Variants in MYO5B observed in about 807,000 individuals in gnomAD.
MYO5B encodes myosin VB, also known as unconventional myosin-Vb.
Under a neutral mutation model 229.3 loss-of-function variants are expected in MYO5B, and 143 were observed. The observed-to-expected ratio is 0.62, with a 90% CI of 0.54 to 0.72. The LOEUF (loss-of-function observed/expected upper bound fraction) is 0.72, where lower values mean the gene tolerates loss of function less well. Among genes scored for constraint, MYO5B ranks in the 30% least tolerant of loss-of-function variants. The probability of loss-of-function intolerance (pLI) is 0.00; values close to 1 mark genes in which losing one functional copy is unlikely to be tolerated. For synonymous variants in MYO5B, 918 were observed against 885.2 expected, an observed-to-expected ratio of 1.04 and a Z score of -0.66; for missense variants, 2,321 against 2,331.0, an observed-to-expected ratio of 1.00 and a Z score of 0.09.
At chr18:49,894,355 A>G (rs1048616175) in intron 22 of MYO5B, among the ~76,000 whole-genome samples, 3 of 152,120 alleles carry the variant, frequency 2.0e-5, no homozygotes, top group African/African-American at 7.2e-5. Context: ...GGCCCTTGGG[A>G]CTTCCCTGGC....
At chr18:50,108,481 G>C (rs1205796432) in intron 1 of MYO5B, among the ~76,000 whole-genome samples, 2 of 152,190 alleles carry the variant, frequency 1.3e-5, no homozygotes, top group Non-Finnish European at 2.9e-5. Flanking sequence ...TTTCTCCTAT[G>C]TTTTTAACAT....
chr18:50,051,590 C>G (rs1056256112), intron 2 of MYO5B, among the ~76,000 whole-genome samples: 1 of 152,134 alleles, frequency 6.6e-6, no homozygotes, highest in Non-Finnish European at 1.5e-5. Context: ...AGTTTTGCAT[C>G]CCCTGAAAGC....
chr18:49,904,546 C>A, intron 20 of MYO5B, 126 bp downstream of exon 20: 2 of 1,150,598 alleles, frequency 1.7e-6, no homozygotes, highest in Non-Finnish European at 2.6e-6. Context: ...TTGGTGAGAG[C>A]AGAGATGTGA....
intron 31 of MYO5B, among the ~76,000 whole-genome samples, chr18:49,852,597 C>T (rs753250118): frequency 2.6e-5 from 4 of 152,120 alleles, no homozygotes; most frequent in Non-Finnish European, 2.9e-5. Context: ...GGATGCACTA[C>T]GGGCACATGA....
At chr18:49,940,170 T>G (rs2025298418) in intron 14 of MYO5B, among the ~76,000 whole-genome samples, 1 of 152,252 alleles carries the variant, frequency 6.6e-6, no homozygotes, top group South Asian at 2.1e-4. Flanking sequence ...AATAATTCAC[T>G]ATTCTAGGTG....
At chr18:50,122,241 G>A (rs2032069916) in intron 1 of MYO5B, among the ~76,000 whole-genome samples, 1 of 151,998 alleles carries the variant, frequency 6.6e-6, no homozygotes, top group African/African-American at 2.4e-5. Context: ...CATTTTAAAA[G>A]CCACTAAGTG....
intron 1 of MYO5B, among the ~76,000 whole-genome samples, chr18:50,090,338 C>CAAAAAAA (rs11393869): frequency 7.3e-6 from 1 of 136,382 alleles, no homozygotes; most frequent in Non-Finnish European, 1.5e-5. Context: ...GCAAGACCCT[C>CAAAAAAA]AAAAAAAAAA....
intron 17 of MYO5B, among the ~76,000 whole-genome samples, chr18:49,928,455 C>T (rs2025154027): frequency 6.6e-6 from 1 of 152,182 alleles, no homozygotes; most frequent in Non-Finnish European, 1.5e-5. Context: ...GCTAGCCTGG[C>T]TAGCATGGTA....
At chr18:49,993,969 C>G (rs1191914895) in intron 5 of MYO5B, among the ~76,000 whole-genome samples, 2 of 152,162 alleles carry the variant, frequency 1.3e-5, no homozygotes, top group African/African-American at 4.8e-5. Flanking sequence ...CGGCTTCTAA[C>G]AATCCTAACT....
chr18:49,995,452 G>A (rs752491151), intron 5 of MYO5B, among the ~76,000 whole-genome samples: 2 of 151,390 alleles, frequency 1.3e-5, no homozygotes, highest in Non-Finnish European at 2.9e-5. Context: ...GTAGAGACAG[G>A]GTTTCACCGT....
chr18:50,139,286 T>TC (rs1423102250), intron 1 of MYO5B, among the ~76,000 whole-genome samples: 16 of 152,292 alleles, frequency 1.1e-4, no homozygotes, highest in African/African-American at 3.9e-4. Context: ...GGTGACTCAG[T>TC]CATGCTACAA....
rs779285739 is a variant in MYO5B, at chr18:49,877,901, G to A, written c.3277-19C>T. ...GAGTTTGCTGTTCAACAAGAAAAAC[G>A]TGATAGCTCATTAGGAACTAATGTT... On this transcript the variant is annotated intron_variant, in intron 24 of 39. Coordinates refer to ENST00000285039, the MANE Select transcript of MYO5B (RefSeq NM_001080467.3). The A allele has an allele frequency of 3.7e-6, 6 of 1,613,884 alleles. No individual in the cohort carries two copies. The highest frequency in any genetic ancestry group is 2.2e-5 in the East Asian group (1 of 44,892).
At chr18:50,181,155 TG>T (rs2033068336) in intron 1 of MYO5B, among the ~76,000 whole-genome samples, 1 of 152,246 alleles carries the variant, frequency 6.6e-6, no homozygotes, top group Non-Finnish European at 1.5e-5. Flanking sequence ...CTATTATACT[TG>T]TCATAAAATT....
intron 1 of MYO5B, chr18:50,126,625 T>C (rs895976669): frequency 1.3e-5 from 2 of 154,910 alleles, no homozygotes; most frequent in Admixed American, 6.5e-5. Flanking sequence ...TCTCAATTCA[T>C]ACGTGGTCCA....
chr18:49,952,302 T>C (rs1787584), intron 14 of MYO5B, among the ~76,000 whole-genome samples: 1 of 152,208 alleles, frequency 6.6e-6, no homozygotes, highest in Non-Finnish European at 1.5e-5. Context: ...TTCAGTATCA[T>C]GTGGTCTGGG....
rs2025206075 is a variant in MYO5B, at chr18:49,932,651, A to C, written c.2004-3053T>G. 2.0e-5 allele frequency among the ~76,000 whole-genome samples: 3 copies of C among 152,150 alleles called. 1 individual carries two copies. In the South Asian group the frequency reaches 6.2e-4, roughly 32 times the overall value. Reference sequence around the variant, plus strand: ...CCAACTATAAAGCAGTGGTGGCTGTAATGACTATGTTACAAAAACAAACAA... The same window carrying C: ...CCAACTATAAAGCAGTGGTGGCTGTCATGACTATGTTACAAAAACAAACAA... On this transcript the variant is annotated intron_variant, in intron 16 of 39. Coordinates refer to ENST00000285039, the MANE Select transcript of MYO5B (RefSeq NM_001080467.3).
intron 1 of MYO5B, among the ~76,000 whole-genome samples, chr18:50,123,802 C>T (rs1456105332): frequency 3.3e-5 from 5 of 152,200 alleles, no homozygotes; most frequent in African/African-American, 1.2e-4. Flanking sequence ...TCCTCAAATA[C>T]CTACTGGAAG....
At chr18:50,075,618 T>C (rs2031060837) in intron 1 of MYO5B, among the ~76,000 whole-genome samples, 1 of 152,174 alleles carries the variant, frequency 6.6e-6, no homozygotes, top group African/African-American at 2.4e-5. Flanking sequence ...TCCTACACTT[T>C]CCACCAGTGC....
intron 18 of MYO5B, among the ~76,000 whole-genome samples, chr18:49,908,652 C>T (rs1020896723): frequency 5.9e-5 from 9 of 152,170 alleles, no homozygotes; most frequent in Non-Finnish European, 1.0e-4. Context: ...TACACTCCTT[C>T]GCCACTGTGA....
Sources: gnomAD v4.1 joint callset for allele counts (sites outside exome capture counted in the v4.1 genomes callset) on GRCh38, gnomAD v4.1.1 for gene constraint, MANE v1.5 for transcripts, NCBI Gene and HGNC (gene_info 2026-07-23, HGNC 2026-07-21) for gene names.